The following BIN2 variants were observed in gnomAD, a reference collection of about 807,000 sequenced individuals.
BIN2 encodes bridging integrator 2.
BIN2 carries 43 observed loss-of-function variants against 67.9 expected under a neutral mutation model. The ratio of observed to expected loss-of-function variants is 0.63; its 90% CI spans 0.50 to 0.82. The LOEUF is 0.82. Among genes scored for constraint, BIN2 ranks in the 40% least tolerant of loss-of-function variants. The pLI is 0.00. For synonymous variants in BIN2, 244 were observed against 246.8 expected, an observed-to-expected ratio of 0.99 and a Z score of 0.11; for missense variants, 581 against 671.6, an observed-to-expected ratio of 0.87 and a Z score of 1.49.
chr12:51,317,710 C>T (rs375307138), intron 1 of BIN2, among the ~76,000 whole-genome samples: 2 of 151,030 alleles, frequency 1.3e-5, no homozygotes, highest in East Asian at 2.0e-4. Flanking sequence ...AAAAAAAGGC[C>T]GGGAGCGGTG....
chr12:51,317,035 C>T (rs952132022), intron 1 of BIN2, among the ~76,000 whole-genome samples: 3 of 152,034 alleles, frequency 2.0e-5, no homozygotes, highest in African/African-American at 7.3e-5. Flanking sequence ...TGCCACCACG[C>T]CTGGCTAATT....
intron 1 of BIN2, among the ~76,000 whole-genome samples, chr12:51,322,419 G>C (rs1044826239): frequency 6.6e-6 from 1 of 151,984 alleles, no homozygotes; most frequent in African/African-American, 2.4e-5. Flanking sequence ...TATTTTTTGA[G>C]ACAGAGTCTC....
chr12:51,324,369 C>T (rs1592291045), upstream of BIN2: 2 of 1,305,470 alleles, frequency 1.5e-6, no homozygotes, highest in Non-Finnish European at 2.0e-6. Context: ...TGCCCGAAAC[C>T]TCGGCCTCAC....
intron 2 of BIN2, among the ~76,000 whole-genome samples, chr12:51,309,371 C>A (rs753713541): frequency 2.0e-5 from 3 of 152,184 alleles, no homozygotes; most frequent in Non-Finnish European, 2.9e-5. Flanking sequence ...AAACTAAGAG[C>A]CTTGAGGGCA....
At chr12:51,304,519 G>T (rs537759767) in intron 2 of BIN2, among the ~76,000 whole-genome samples, 2 of 152,320 alleles carry the variant, frequency 1.3e-5, no homozygotes, top group Admixed American at 1.3e-4. Flanking sequence ...CAGGACTGTG[G>T]ACTGTAGGGA....
intron 1 of BIN2, among the ~76,000 whole-genome samples, chr12:51,316,482 G>A (rs116402392): frequency 0.013 from 1,988 of 151,944 alleles, 33 homozygotes; most frequent in African/African-American, 0.045. Context: ...GGTGACAGAG[G>A]GAAATTGTCT....
chr12:51,283,015 G>C (rs957548594), intron 12 of BIN2, among the ~76,000 whole-genome samples: 13 of 151,880 alleles, frequency 8.6e-5, no homozygotes, highest in Non-Finnish European at 1.2e-4. Context: ...CCAGCACTTT[G>C]GGAGGCTGAG....
chr12:51,315,174 A>ATT lies in BIN2; in HGVS notation c.82-1273_82-1272dup, dbSNP rs58775675. Reference sequence around the variant, plus strand: ...GGCTGGCATTGTTATTATTATTATTATTTTTTTTTTTTTGAGACGGAGTCT... The same window carrying ATT: ...GGCTGGCATTGTTATTATTATTATTATTTTTTTTTTTTTTTGAGACGGAGTCT... On this transcript the variant is annotated intron_variant, in intron 1 of 12. Transcript: ENST00000615107. Among the ~76,000 whole-genome samples, 1,019 of 146,276 alleles carry ATT rather than the reference A, an allele frequency of 7.0e-3. 41 individuals are homozygous for ATT. The East Asian group carries it at 0.12, about 17-fold the overall frequency.
chr12:51,285,502 T>C (rs1164532036), intron 11 of BIN2, among the ~76,000 whole-genome samples: 4 of 152,162 alleles, frequency 2.6e-5, no homozygotes, highest in African/African-American at 7.2e-5. Flanking sequence ...GCCTAGAAAC[T>C]GCTATGCTAG....
intron 2 of BIN2, among the ~76,000 whole-genome samples, chr12:51,305,792 AT>A (rs74309667): frequency 1.5e-5 from 2 of 129,634 alleles, no homozygotes; most frequent in African/African-American, 2.8e-5. Flanking sequence ...TATTTCATCC[AT>A]TTTTTTTGCC....
At chr12:51,320,631 A>ATTCTTTTT (rs1946246132) in intron 1 of BIN2, among the ~76,000 whole-genome samples, 2 of 144,298 alleles carry the variant, frequency 1.4e-5, no homozygotes, top group Non-Finnish European at 3.0e-5. Context: ...TATTATCATT[A>ATTCTTTTT]TTCTTTTTTT....
chr12:51,287,973 C>G, intron 11 of BIN2, 135 bp downstream of exon 11: 1 of 628,632 alleles, frequency 1.6e-6, no homozygotes, highest in East Asian at 3.0e-5. Context: ...ACATCTTGCT[C>G]TGTTAGGGCC....
At position 51,297,202 on chromosome 12, in the gene BIN2, G is replaced by T. The variant is rs762634912; in HGVS notation, c.603-38C>A. The stretch of plus-strand genomic sequence containing the variant: ...AAAACCACAAACACATACGAGTAAG[G>T]CATGGGAAAGGAGTTCTTTGTTTGA... On this transcript the variant is annotated intron_variant, in intron 7 of 12. Transcript: ENST00000615107. 9 of 1,564,838 alleles carry T rather than the reference G, an allele frequency of 5.8e-6. No individual in the cohort carries two copies. In the African/African-American group the frequency reaches 9.5e-5, roughly 16 times the overall value.
chr12:51,311,991 C>A (rs1043051393), intron 2 of BIN2, among the ~76,000 whole-genome samples: 2 of 152,058 alleles, frequency 1.3e-5, no homozygotes, highest in Non-Finnish European at 2.9e-5. Context: ...AGGCTGGTCT[C>A]GAACTCCTGA....
At chr12:51,311,010 A>G (rs1158897795) in intron 2 of BIN2, among the ~76,000 whole-genome samples, 1 of 151,776 alleles carries the variant, frequency 6.6e-6, no homozygotes, top group African/African-American at 2.4e-5. Flanking sequence ...TGGGCTGCCA[A>G]AGTGCTGGGA....
intron 2 of BIN2, among the ~76,000 whole-genome samples, chr12:51,304,745 A>G (rs922734597): frequency 5.9e-5 from 9 of 152,208 alleles, no homozygotes; most frequent in Middle Eastern, 3.4e-3. Context: ...GGCCAGGCGC[A>G]GTGGCTCACG....
chr12:51,303,639 C>T (rs1237030680), intron 2 of BIN2, among the ~76,000 whole-genome samples: 1 of 151,832 alleles, frequency 6.6e-6, no homozygotes, highest in Non-Finnish European at 1.5e-5. Context: ...CTCATCATTG[C>T]TTCTCCTGTT....
chr12:51,303,776 A>C (rs1193210255), intron 2 of BIN2, among the ~76,000 whole-genome samples: 2 of 152,192 alleles, frequency 1.3e-5, no homozygotes, highest in Non-Finnish European at 2.9e-5. Flanking sequence ...CCCTCTAAAA[A>C]AGGAGAGGAA....
At chr12:51,283,129 C>G (rs1341727693) in intron 12 of BIN2, among the ~76,000 whole-genome samples, 2 of 151,158 alleles carry the variant, frequency 1.3e-5, no homozygotes. Flanking sequence ...GTGGCGCCAC[C>G]GCCTGTAATC....
Sources: gnomAD v4.1 joint callset for allele counts (sites outside exome capture counted in the v4.1 genomes callset) on GRCh38, gnomAD v4.1.1 for gene constraint, MANE v1.5 for transcripts, NCBI Gene and HGNC (gene_info 2026-07-23, HGNC 2026-07-21) for gene names.